FBXL17: variants seen among roughly 807,000 people sequenced by gnomAD.
FBXL17 encodes the protein F-box and leucine rich repeat protein 17.
In FBXL17, 22 loss-of-function variants were observed where a neutral mutation model predicts 66.2. The ratio of observed to expected loss-of-function variants is 0.33; its 90% CI spans 0.24 to 0.47. The LOEUF (loss-of-function observed/expected upper bound fraction) is 0.47, where lower values mean the gene tolerates loss of function less well. FBXL17 is among the 20% of genes least tolerant of loss of function. The probability of loss-of-function intolerance (pLI) is 1.00; values close to 1 mark genes in which losing one functional copy is unlikely to be tolerated. For synonymous variants in FBXL17, 474 were observed against 400.5 expected, an observed-to-expected ratio of 1.18 and a Z score of -2.19; for missense variants, 878 against 948.2, an observed-to-expected ratio of 0.93 and a Z score of 0.97.
chr5:107,891,843 TGA>T (rs763749490), intron 7 of FBXL17, among the ~76,000 whole-genome samples: 1 of 152,190 alleles, frequency 6.6e-6, no homozygotes, highest in Non-Finnish European at 1.5e-5. Flanking sequence ...ATTGACTAGC[TGA>T]GTCTTTCTTA....
chr5:107,878,161 T>G lies in FBXL17; in HGVS notation c.1965+2876A>C, dbSNP rs115215013. 3.0e-3 allele frequency: 2,422 copies of G among 801,344 alleles called. 47 individuals carry two copies. The African/African-American group carries it at 0.042, about 14-fold the overall frequency. 49.6% of individuals were successfully genotyped at this position (801,344 alleles called of 1,614,324 possible). On this transcript the variant is annotated intron_variant, in intron 8 of 8. Coordinates refer to ENST00000542267, the MANE Select transcript of FBXL17 (RefSeq NM_001163315.3). Reference sequence around the variant, plus strand: ...GAAAGTGTAATTACTGACATATTTGTATAAAAAATAATCTTAATTTTAAAT... The same window carrying G: ...GAAAGTGTAATTACTGACATATTTGGATAAAAAATAATCTTAATTTTAAAT...
Position 108,381,427 on chromosome 5 carries a change from C to T in FBXL17, c.265G>A (p.Gly89Arg), listed in dbSNP as rs1345231998. The change falls in exon 1 of 9, where the codon GGG becomes AGG. Residue 89 changes from glycine (G) to arginine (R), a missense_variant. Gly to Arg is a moderately radical substitution (Grantham distance 125). Around this residue, in one of 4 missense-constraint regions of FBXL17, gnomAD observed 605 missense variants for 509.5 expected, o/e 1.19. Transcript: ENST00000542267. ...GAGGAGGAGGCGGCAGCGTAGGCCC[C>T]GTCCCGCGGCGGCGGCGAGAGCGGC... ...EPPLSPPPRD[G>R]AYAAASSSQH... 4 of 1,316,734 alleles carry T rather than the reference C, an allele frequency of 3.0e-6. No individual in the cohort carries two copies. The highest frequency in any genetic ancestry group is 2.2e-5 in the South Asian group (1 of 45,008). 81.6% of individuals were successfully genotyped at this position (1,316,734 alleles called of 1,614,324 possible).
intron 6 of FBXL17, among the ~76,000 whole-genome samples, chr5:108,094,409 G>A (rs1749295932): frequency 6.6e-6 from 1 of 152,072 alleles, no homozygotes; most frequent in African/African-American, 2.4e-5. Flanking sequence ...TCATACAAAT[G>A]CCAGCAGGAC....
intron 7 of FBXL17, among the ~76,000 whole-genome samples, chr5:107,972,053 G>A (rs184575225): frequency 2.2e-4 from 34 of 152,310 alleles, no homozygotes; most frequent in African/African-American, 7.2e-4. Flanking sequence ...CACAGTGTTC[G>A]CAGAGTGGAG....
intron 4 of FBXL17, among the ~76,000 whole-genome samples, chr5:108,279,341 C>G (rs1757611985): frequency 6.6e-6 from 1 of 152,058 alleles, no homozygotes; most frequent in Non-Finnish European, 1.5e-5. Context: ...AACTTGAAGA[C>G]CAGGCCACCC....
chr5:108,374,984 G>A (rs1013854828), intron 1 of FBXL17, among the ~76,000 whole-genome samples: 1 of 151,756 alleles, frequency 6.6e-6, no homozygotes, highest in Non-Finnish European at 1.5e-5. Context: ...AAACAAGGGG[G>A]AAAAAATACA....
At chr5:108,089,198 T>C (rs773618995) in intron 6 of FBXL17, among the ~76,000 whole-genome samples, 4 of 152,222 alleles carry the variant, frequency 2.6e-5, no homozygotes, top group Non-Finnish European at 5.9e-5. Context: ...TGGACTGCAA[T>C]GGCCTTCTAA....
intron 4 of FBXL17, among the ~76,000 whole-genome samples, chr5:108,343,356 A>T (rs1046095356): frequency 6.6e-6 from 1 of 152,202 alleles, no homozygotes; most frequent in African/African-American, 2.4e-5. Flanking sequence ...AAGAGGGGAA[A>T]GAACACTGAA....
chr5:108,073,546 T>C (rs577874103), intron 6 of FBXL17, among the ~76,000 whole-genome samples: 1 of 151,962 alleles, frequency 6.6e-6, no homozygotes, highest in East Asian at 1.9e-4. Flanking sequence ...GCAAGTAATA[T>C]AGAAATAAAA....
intron 7 of FBXL17, among the ~76,000 whole-genome samples, chr5:107,978,070 T>C (rs767244564): frequency 2.6e-5 from 4 of 151,884 alleles, no homozygotes; most frequent in Non-Finnish European, 5.9e-5. Context: ...TCTTATTCAG[T>C]CAGCCTGCAG....
intron 6 of FBXL17, among the ~76,000 whole-genome samples, chr5:108,081,868 C>A (rs568931615): frequency 6.6e-6 from 1 of 151,762 alleles, no homozygotes; most frequent in East Asian, 1.9e-4. Flanking sequence ...AGCTTCCCTC[C>A]CGCTTCTACT....
chr5:108,333,538 T>C (rs1760234227), intron 4 of FBXL17, among the ~76,000 whole-genome samples: 1 of 152,138 alleles, frequency 6.6e-6, no homozygotes, highest in East Asian at 1.9e-4. Context: ...GTGGCAGTAT[T>C]TAAAATATCA....
intron 6 of FBXL17, among the ~76,000 whole-genome samples, chr5:108,185,103 G>C (rs561192880): frequency 6.6e-6 from 1 of 151,816 alleles, no homozygotes; most frequent in East Asian, 1.9e-4. Context: ...ATCATTATTC[G>C]TAAGAAAAAA....
chr5:108,152,950 T>C (rs2149997672), intron 6 of FBXL17, among the ~76,000 whole-genome samples: 1 of 152,234 alleles, frequency 6.6e-6, no homozygotes, highest in East Asian at 1.9e-4. Flanking sequence ...TGGTGGGAGG[T>C]AACTGAATCA....
chr5:107,897,038 A>G (rs987579298), intron 7 of FBXL17, among the ~76,000 whole-genome samples: 3 of 152,130 alleles, frequency 2.0e-5, no homozygotes, highest in Admixed American at 6.6e-5. Flanking sequence ...AATATGGTGA[A>G]TTTAATGCCA....
chr5:107,904,809 G>A (rs1749698068), intron 7 of FBXL17, among the ~76,000 whole-genome samples: 1 of 152,078 alleles, frequency 6.6e-6, no homozygotes, highest in Admixed American at 6.6e-5. Flanking sequence ...ATCATTCTAA[G>A]AAAATATAAC....
chr5:107,932,827 T>G (rs1750776245), intron 7 of FBXL17, among the ~76,000 whole-genome samples: 1 of 152,026 alleles, frequency 6.6e-6, no homozygotes, highest in South Asian at 2.1e-4. Context: ...CTTCTAAGCT[T>G]AAGAAATCCA....
In FBXL17 at chr5:108,324,392, A is replaced by C. The variant is rs564436094; in HGVS notation, c.1506+24007T>G. Among the ~76,000 whole-genome samples, 5 of 152,176 alleles carry C rather than the reference A, an allele frequency of 3.3e-5. No homozygotes were observed. In the South Asian group the frequency reaches 1.0e-3, roughly 32 times the overall value. On this transcript the variant is annotated intron_variant, in intron 4 of 8. Coordinates refer to ENST00000542267, the MANE Select transcript of FBXL17 (RefSeq NM_001163315.3). ...AAAGAAATATAACCTCACATCCATT[A>C]AGATGTCTACTATAAAAATAAATAA...
intron 4 of FBXL17, chr5:108,298,068 T>C (rs1758421024): frequency 1.0e-5 from 10 of 981,410 alleles, no homozygotes; most frequent in African/African-American, 1.7e-5. Flanking sequence ...TACTCCTGAA[T>C]TGCCACAAAT....
Sources: gnomAD v4.1 joint callset for allele counts (sites outside exome capture counted in the v4.1 genomes callset) on GRCh38, gnomAD v4.1.1 for gene constraint, gnomAD v4.1.1 regional missense constraint, MANE v1.5 for transcripts, NCBI Gene and HGNC (gene_info 2026-07-23, HGNC 2026-07-21) for gene names.